PPFIBP1: variants seen among roughly 807,000 people sequenced by gnomAD.
PPFIBP1 encodes PPFIB scaffold protein 1.
PPFIBP1 carries 112 observed loss-of-function variants against 137.8 expected under a neutral mutation model. The observed-to-expected ratio is 0.81, with a 90% CI of 0.70 to 0.95. The LOEUF (loss-of-function observed/expected upper bound fraction) is 0.95. PPFIBP1 is among the 40% of genes least tolerant of loss of function. The probability of loss-of-function intolerance (pLI) is 0.00; values close to 1 mark genes in which losing one functional copy is unlikely to be tolerated. For missense variants in PPFIBP1, 1,083 were observed against 1,196.6 expected, an observed-to-expected ratio of 0.91 and a Z score of 1.40; for synonymous variants, 378 against 417.3, an observed-to-expected ratio of 0.91 and a Z score of 1.15.
rs1476369772 is a variant in PPFIBP1, at chr12:27,693,414, T to C, written c.*532T>C. 6.6e-6 allele frequency: 1 copy of C among 152,276 alleles called. No individual in the cohort carries two copies. The highest frequency in any genetic ancestry group is 1.5e-5 in the Non-Finnish European group (1 of 68,038). 9.4% of individuals were successfully genotyped at this position (152,276 alleles called of 1,614,324 possible). On this transcript the variant is annotated 3_prime_UTR_variant, in exon 30 of 30. Coordinates refer to ENST00000228425, the MANE Select transcript of PPFIBP1 (RefSeq NM_003622.4). ...ATGTATATATACAGTACATAGAAAATAGAACTTTTATTTTGTGACCTAAGG... is the reference window on the plus strand; with the variant it reads ...ATGTATATATACAGTACATAGAAAACAGAACTTTTATTTTGTGACCTAAGG...
chr12:27,613,301 A>G (rs929332153), intron 2 of PPFIBP1, among the ~76,000 whole-genome samples: 1 of 152,240 alleles, frequency 6.6e-6, no homozygotes, highest in African/African-American at 2.4e-5. Context: ...ACCTCTCTGA[A>G]GGTAAGAAAC....
intron 1 of PPFIBP1, among the ~76,000 whole-genome samples, chr12:27,575,550 A>C (rs908158682): frequency 1.2e-4 from 19 of 152,198 alleles, no homozygotes; most frequent in African/African-American, 3.6e-4. Context: ...TTGGAGAATT[A>C]TCTTGGAATT....
At chr12:27,576,531 G>A (rs1003946311) in intron 1 of PPFIBP1, among the ~76,000 whole-genome samples, 13 of 152,182 alleles carry the variant, frequency 8.5e-5, no homozygotes, top group Non-Finnish European at 1.5e-5. Flanking sequence ...TTCCAGAGCA[G>A]GAGATGAGGG....
At chr12:27,671,635 A>G (rs774050028) in intron 14 of PPFIBP1, 89 bp downstream of exon 14, 12 of 777,776 alleles carry the variant, frequency 1.5e-5, no homozygotes, top group Non-Finnish European at 2.4e-5. Flanking sequence ...TACAGACACA[A>G]TTTTTACCTA....
At chr12:27,661,539 G>A (rs149184964) in intron 11 of PPFIBP1, among the ~76,000 whole-genome samples, 1 of 152,322 alleles carries the variant, frequency 6.6e-6, no homozygotes, top group Non-Finnish European at 1.5e-5. Context: ...GGGCAGGGAT[G>A]CAGTTACTGC....
chr12:27,603,971 A>G (rs754346553), intron 2 of PPFIBP1, among the ~76,000 whole-genome samples: 2 of 152,210 alleles, frequency 1.3e-5, no homozygotes. Context: ...AGGAAACAAG[A>G]AAGTACAGAT....
chr12:27,599,532 GCCTTCCTT>G (rs1195923452), intron 2 of PPFIBP1: 1 of 454,442 alleles, frequency 2.2e-6, no homozygotes, highest in Non-Finnish European at 4.4e-6. Context: ...CTTCCCTCCT[GCCTTCCTT>G]CCTTCCTTTT....
intron 1 of PPFIBP1, among the ~76,000 whole-genome samples, chr12:27,577,621 C>T (rs184592620): frequency 2.1e-3 from 317 of 152,120 alleles, no homozygotes; most frequent in African/African-American, 7.1e-3. Context: ...GGGGATTTTC[C>T]CCTAAGTATG....
intron 12 of PPFIBP1, among the ~76,000 whole-genome samples, chr12:27,666,209 G>C (rs926057666): frequency 6.6e-6 from 1 of 152,152 alleles, no homozygotes; most frequent in Non-Finnish European, 1.5e-5. Flanking sequence ...GCATACAAAC[G>C]TGTAAATACA....
chr12:27,644,269 TAA>T (rs1565926572), intron 4 of PPFIBP1, among the ~76,000 whole-genome samples: 4 of 136,952 alleles, frequency 2.9e-5, no homozygotes, highest in African/African-American at 1.1e-4. Flanking sequence ...TTTTTTTTTT[TAA>T]GAGATAGGGT....
At chr12:27,675,588 A>C (rs998620947) in intron 17 of PPFIBP1, among the ~76,000 whole-genome samples, 22 of 152,346 alleles carry the variant, frequency 1.4e-4, no homozygotes, top group Middle Eastern at 3.4e-3. Context: ...AAGGACACCC[A>C]CTTCAATAAA....
chr12:27,548,940 G>A (rs1278031170), intron 1 of PPFIBP1: 1 of 152,134 alleles, frequency 6.6e-6, no homozygotes, highest in East Asian at 1.9e-4. Flanking sequence ...ATATAAGTAG[G>A]TCACTGTTCC....
rs114376564 is a variant in PPFIBP1 at position 27,579,583 on chromosome 12, G to A, written c.-36+1344G>A. On this transcript the variant is annotated intron_variant, in intron 2 of 29. Transcript: ENST00000228425. The stretch of plus-strand genomic sequence containing the variant: ...ATGTTTGTGAAATCTACAATATTAT[G>A]TACAATATTTTTTGCATTCTCTTTG... Among the ~76,000 whole-genome samples, 407 of 152,254 alleles carry A rather than the reference G, an allele frequency of 2.7e-3. 1 individual carries two copies. Among genetic ancestry groups the A allele is most frequent in the African/African-American group, 9.0e-3 (375 of 41,556 alleles).
At chr12:27,612,984 C>G (rs943462616) in intron 2 of PPFIBP1, among the ~76,000 whole-genome samples, 8 of 151,840 alleles carry the variant, frequency 5.3e-5, no homozygotes, top group African/African-American at 1.9e-4. Flanking sequence ...TCATCCATAC[C>G]TCTCTAAGCC....
chr12:27,658,061 C>A (rs2059323038), intron 9 of PPFIBP1, among the ~76,000 whole-genome samples: 1 of 151,006 alleles, frequency 6.6e-6, no homozygotes, highest in East Asian at 1.9e-4. Flanking sequence ...ACTTAAGGCC[C>A]AGGAGTTCGA....
intron 2 of PPFIBP1, among the ~76,000 whole-genome samples, chr12:27,612,686 C>T (rs1461633220): frequency 1.3e-5 from 2 of 152,028 alleles, no homozygotes; most frequent in Non-Finnish European, 2.9e-5. Flanking sequence ...TCCCTGTTCC[C>T]GCAGCACGTC....
intron 2 of PPFIBP1, among the ~76,000 whole-genome samples, chr12:27,598,094 T>C (rs1490264062): frequency 3.3e-5 from 5 of 152,206 alleles, no homozygotes; most frequent in Non-Finnish European, 7.3e-5. Flanking sequence ...CATGAGCCAC[T>C]ATGCCCAGCT....
chr12:27,637,008 C>G (rs1468274529), intron 4 of PPFIBP1: 1 of 152,214 alleles, frequency 6.6e-6, no homozygotes, highest in African/African-American at 2.4e-5. Context: ...GGTGTTTACT[C>G]AAAAGTCATG....
At chr12:27,608,881 TG>T (rs1436028829) in intron 2 of PPFIBP1, 2 of 199,454 alleles carry the variant, frequency 1.0e-5, no homozygotes, top group Admixed American at 6.4e-5. Flanking sequence ...TGCTTTCATT[TG>T]TTTTTTTGTT....
Sources: allele counts gnomAD v4.1 joint callset (sites outside exome capture counted in the v4.1 genomes callset), GRCh38; gene constraint gnomAD v4.1.1; transcripts MANE v1.5; gene names NCBI Gene and HGNC (gene_info 2026-07-23, HGNC 2026-07-21).